The following POFUT3 variants were observed in gnomAD, a reference collection of about 807,000 sequenced individuals.
POFUT3 encodes GDP-fucose protein O-fucosyltransferase 3.
At chr8:33,309,197 TATACAC>T in the POFUT3 span, among the ~76,000 whole-genome samples, 31 of 103,762 alleles carry the variant, frequency 3.0e-4, no homozygotes, top group Non-Finnish European at 4.2e-4. Flanking sequence ...TATATATATA[TATACAC>T]ACACATATTT....
the POFUT3 span, among the ~76,000 whole-genome samples, chr8:33,466,827 G>A: frequency 3.9e-5 from 6 of 152,218 alleles, no homozygotes; most frequent in South Asian, 2.1e-4. Flanking sequence ...TGATTAGGCC[G>A]GGCATAGTGG....
chr8:33,453,643 T>A, the POFUT3 span: 1 of 790,844 alleles, frequency 1.3e-6, no homozygotes, highest in Non-Finnish European at 2.0e-6. Flanking sequence ...AACAGTAATT[T>A]AAAATAACAC....
chr8:33,349,327 T>G, the POFUT3 span, among the ~76,000 whole-genome samples: 1 of 152,164 alleles, frequency 6.6e-6, no homozygotes, highest in Non-Finnish European at 1.5e-5. Context: ...AGGTGGCTTT[T>G]TGTTACATAG....
the POFUT3 span, among the ~76,000 whole-genome samples, chr8:33,410,626 C>T: frequency 3.3e-5 from 5 of 152,096 alleles, no homozygotes; most frequent in African/African-American, 2.4e-5. Context: ...TGGGTGTGTG[C>T]GTGTGTGTAT....
chr8:33,330,035 G>A, the POFUT3 span, among the ~76,000 whole-genome samples: 2 of 152,154 alleles, frequency 1.3e-5, no homozygotes, highest in Non-Finnish European at 2.9e-5. Context: ...AGCAATTAGA[G>A]GGTGGACAAT....
At chr8:33,410,378 A>G in the POFUT3 span, among the ~76,000 whole-genome samples, 46,013 of 152,044 alleles carry the variant, frequency 0.3, 7,084 homozygotes, top group South Asian at 0.44. Context: ...GCTGCCCAGT[A>G]GATTGGTATG....
At chr8:33,318,728 A>G in the POFUT3 span, among the ~76,000 whole-genome samples, 1 of 59,778 alleles carries the variant, frequency 1.7e-5, no homozygotes, top group South Asian at 6.5e-4. Flanking sequence ...TTGTATATAT[A>G]TTTTATATAT....
chr8:33,390,871 G>A, the POFUT3 span, among the ~76,000 whole-genome samples: 1 of 152,228 alleles, frequency 6.6e-6, no homozygotes, highest in African/African-American at 2.4e-5. Context: ...AGTGATGGAT[G>A]TGGTAAGCGA....
the POFUT3 span, among the ~76,000 whole-genome samples, chr8:33,454,033 A>G: frequency 6.6e-6 from 1 of 152,192 alleles, no homozygotes; most frequent in South Asian, 2.1e-4. Context: ...AGGCTGAGGC[A>G]GAAGGATTGC....
At chr8:33,321,112 G>A in the POFUT3 span, among the ~76,000 whole-genome samples, 1 of 151,986 alleles carries the variant, frequency 6.6e-6, no homozygotes, top group African/African-American at 2.4e-5. Context: ...ATGGCCCCTG[G>A]CTCAGGTATG....
the POFUT3 span, among the ~76,000 whole-genome samples, chr8:33,342,109 G>A: frequency 1.3e-5 from 2 of 152,104 alleles, no homozygotes; most frequent in African/African-American, 4.8e-5. Context: ...GAACCCGGGA[G>A]GTGGAGGCTG....
the POFUT3 span, among the ~76,000 whole-genome samples, chr8:33,422,622 C>T: frequency 3.3e-5 from 5 of 151,576 alleles, no homozygotes; most frequent in Admixed American, 3.3e-4. Flanking sequence ...CCCAAAGCCC[C>T]AGGCTCTGAG....
the POFUT3 span, among the ~76,000 whole-genome samples, chr8:33,449,274 G>A: frequency 7.5e-6 from 1 of 133,496 alleles, no homozygotes; most frequent in Non-Finnish European, 1.6e-5. Context: ...TTATATCCGA[G>A]TTGATTTTTT....
chr8:33,318,485 A>G, the POFUT3 span, among the ~76,000 whole-genome samples: 1 of 128,868 alleles, frequency 7.8e-6, no homozygotes, highest in South Asian at 2.2e-4. Context: ...TATAATATAT[A>G]ATGTACATAT....
chr8:33,439,345 G>A, the POFUT3 span, among the ~76,000 whole-genome samples: 2 of 152,238 alleles, frequency 1.3e-5, no homozygotes, highest in African/African-American at 4.8e-5. Context: ...GGAGGTTGCA[G>A]TGAGCCGAGA....
At chr8:33,404,654 G>T in the POFUT3 span, among the ~76,000 whole-genome samples, 1 of 151,904 alleles carries the variant, frequency 6.6e-6, no homozygotes, top group Non-Finnish European at 1.5e-5. Context: ...GCAGCCTAAT[G>T]CATTTAAATG....
chr8:33,359,748 A>G, the POFUT3 span, among the ~76,000 whole-genome samples: 1 of 152,194 alleles, frequency 6.6e-6, no homozygotes, highest in Non-Finnish European at 1.5e-5. Flanking sequence ...GCTTACACCT[A>G]TAATCCCAGC....
the POFUT3 span, among the ~76,000 whole-genome samples, chr8:33,447,453 GAA>G: frequency 0.59 from 87,941 of 148,272 alleles, 25,986 homozygotes; most frequent in African/African-American, 0.63. Context: ...CATCTCAAAG[GAA>G]AAAAAAAAAA....
At chr8:33,388,969 C>T in the POFUT3 span, 1 of 1,613,970 alleles carries the variant, frequency 6.2e-7, no homozygotes, top group African/African-American at 1.3e-5. Flanking sequence ...TTACCTTTTC[C>T]TGAAGCCTGA....
Sources: gnomAD v4.1 joint callset for allele counts (sites outside exome capture counted in the v4.1 genomes callset) on GRCh38, gnomAD v4.1.1 for gene constraint, MANE v1.5 for transcripts, NCBI Gene and HGNC (gene_info 2026-07-23, HGNC 2026-07-21) for gene names.